ATF7IP: variants seen among roughly 807,000 people sequenced by gnomAD.
ATF7IP encodes activating transcription factor 7 interacting protein.
Under a neutral mutation model 106.4 loss-of-function variants are expected in ATF7IP, and 23 were observed. That is an observed-to-expected ratio of 0.22 (90% CI 0.16 to 0.31). ATF7IP has a LOEUF of 0.31. Ranked by LOEUF, ATF7IP falls within the 10% of genes least tolerant of loss-of-function variation. ATF7IP has a pLI of 1.00. For missense variants in ATF7IP, 1,334 were observed against 1,524.3 expected (o/e 0.88, Z 2.08); for synonymous variants, 542 against 539.0 (o/e 1.01, Z -0.08).
chr12:14,444,954 T>C (rs1025179949), intron 5 of ATF7IP, among the ~76,000 whole-genome samples: 1 of 151,894 alleles, frequency 6.6e-6, no homozygotes, highest in African/African-American at 2.4e-5. Flanking sequence ...AATAATAATA[T>C]TATGCATACT....
intron 1 of ATF7IP, among the ~76,000 whole-genome samples, chr12:14,377,295 C>T (rs542808438): frequency 1.6e-4 from 24 of 151,434 alleles, no homozygotes; most frequent in South Asian, 8.3e-4. Context: ...GAGCCCAGCC[C>T]GAAATTCATT....
rs369965755 is a variant in ATF7IP at position 14,418,379 on chromosome 12, G to A, written c.-7-5530G>A. Among the ~76,000 whole-genome samples the A allele has an allele frequency of 1.1e-4, 17 of 152,204 alleles. No individual in the cohort carries two copies. The East Asian group carries it at 1.9e-3, about 17-fold the overall frequency. On this transcript the variant is annotated intron_variant, in intron 1 of 14. Transcript: ENST00000261168. ...TTAGACATGGCAGACATCTTCTGCCGTAAAATACCAATGCTTTTTTCTGTG... is the reference window on the plus strand; with the variant it reads ...TTAGACATGGCAGACATCTTCTGCCATAAAATACCAATGCTTTTTTCTGTG...
intron 13 of ATF7IP, among the ~76,000 whole-genome samples, chr12:14,494,764 C>G (rs985507450): frequency 1.3e-5 from 2 of 151,206 alleles, no homozygotes; most frequent in African/African-American, 4.9e-5. Context: ...GAAACCTCAT[C>G]CCTACCAAAA....
intron 1 of ATF7IP, among the ~76,000 whole-genome samples, chr12:14,366,411 A>ATT (rs1393536241): frequency 1.3e-5 from 2 of 152,128 alleles, no homozygotes; most frequent in Non-Finnish European, 2.9e-5. Context: ...TTTTAACCCT[A>ATT]TTTTTACCTG....
intron 6 of ATF7IP, among the ~76,000 whole-genome samples, chr12:14,448,774 T>C (rs542096776): frequency 6.6e-6 from 1 of 152,330 alleles, no homozygotes; most frequent in Admixed American, 6.5e-5. Context: ...ATACCAGTAG[T>C]GCTCAAGAGT....
At chr12:14,456,216 T>G (rs538204932) in intron 6 of ATF7IP, among the ~76,000 whole-genome samples, 1 of 152,324 alleles carries the variant, frequency 6.6e-6, no homozygotes, top group Non-Finnish European at 1.5e-5. Flanking sequence ...GTGAGTCTGG[T>G]TATTCTTTAG....
chr12:14,473,845 G>A (rs1944152998), intron 10 of ATF7IP, among the ~76,000 whole-genome samples: 1 of 150,188 alleles, frequency 6.7e-6, no homozygotes, highest in Non-Finnish European at 1.5e-5. Flanking sequence ...TGAATATGTT[G>A]TTCCAGTGTC....
rs758320767 is a variant in ATF7IP, at chr12:14,424,692, A to C, written c.777A>C (p.Leu259=). The C allele has an allele frequency of 6.2e-7, 1 of 1,614,164 alleles. No individual in the cohort carries two copies. The highest frequency in any genetic ancestry group is 2.2e-5 in the East Asian group (1 of 44,886). Residue 259 remains leucine (L), a synonymous_variant, in exon 2 of 15, where the codon CTA becomes CTC. Transcript: ENST00000261168. Reference sequence around the variant, plus strand: ...CTGATGATCTGGCCTCTGGTGATCTATCCTCTAGTGAACTGGCCTCTGATG... The same window carrying C: ...CTGATGATCTGGCCTCTGGTGATCTCTCCTCTAGTGAACTGGCCTCTGATG... ...PASDDLASGD[L]SSSELASDDL...
At position 14,481,003 on chromosome 12, in the gene ATF7IP, C is replaced by T. The variant is rs1944410528; in HGVS notation, c.3098C>T (p.Ala1033Val). 2 of 1,613,430 alleles carry T rather than the reference C, an allele frequency of 1.2e-6. No homozygotes were observed. The highest frequency in any genetic ancestry group is 1.7e-6 in the Non-Finnish European group (2 of 1,179,696). Residue 1033 changes from alanine to valine, a missense_variant and splice_region_variant, in exon 13 of 15, where the codon GCT becomes GTT. Transcript: ENST00000261168. ...AATATCTTTTTCTGCCTTGCATTAG[C>T]TCCAACTACCGTGAATGTAACACAT... ...SQTTIHLLPT[A>V]PTTVNVTHRP...
At chr12:14,413,659 A>G (rs1403407821) in intron 1 of ATF7IP, among the ~76,000 whole-genome samples, 8 of 152,204 alleles carry the variant, frequency 5.3e-5, no homozygotes, top group African/African-American at 1.9e-4. Context: ...AAATTAATAT[A>G]AATTATCACA....
chr12:14,495,841 T>C (rs549806010), intron 13 of ATF7IP, among the ~76,000 whole-genome samples: 1 of 152,318 alleles, frequency 6.6e-6, no homozygotes, highest in South Asian at 2.1e-4. Flanking sequence ...CTTTTACATG[T>C]GGTACACAAC....
At chr12:14,470,983 A>G (rs562530872) in intron 10 of ATF7IP, among the ~76,000 whole-genome samples, 1 of 152,060 alleles carries the variant, frequency 6.6e-6, no homozygotes, top group African/African-American at 2.4e-5. Context: ...CATTCCATAA[A>G]TTTTCATGTG....
Position 14,365,727 on chromosome 12 carries a change from A to C in ATF7IP, c.-108A>C, listed in dbSNP as rs1183160799. On this transcript the variant is annotated 5_prime_UTR_variant, in exon 1 of 15. Coordinates refer to ENST00000261168, the MANE Select transcript of ATF7IP (RefSeq NM_018179.5). ...GGTGGCAGCGGCGGCGCGGCGACTG[A>C]AGCGCGCGAAAAGCTGAGGCGGCAA... 6.4e-6 allele frequency: 1 copy of C among 156,590 alleles called. No individual in the cohort carries two copies. The highest frequency in any genetic ancestry group is 1.4e-5 in the Non-Finnish European group (1 of 70,458). 9.7% of individuals were successfully genotyped at this position (156,590 alleles called of 1,614,324 possible).
chr12:14,466,155 A>G (rs1943825262), intron 9 of ATF7IP: 2 of 164,002 alleles, frequency 1.2e-5, no homozygotes, highest in East Asian at 3.5e-4. Context: ...TATTGGGAAC[A>G]TTTTTGACAT....
chr12:14,399,810 G>C (rs968159148), intron 1 of ATF7IP, among the ~76,000 whole-genome samples: 17 of 152,062 alleles, frequency 1.1e-4, no homozygotes, highest in African/African-American at 3.9e-4. Context: ...TTTGGCACCT[G>C]ACCTTTTGTT....
At chr12:14,480,894 C>G in intron 12 of ATF7IP, 109 bp from the exon 13 acceptor site, 1 of 927,084 alleles carries the variant, frequency 1.1e-6, no homozygotes, top group African/African-American at 1.7e-5. Context: ...ATTTCTGTTT[C>G]TGTCTTTATT....
rs559011440 is a variant in ATF7IP at position 14,448,998 on chromosome 12, C to T, written c.1995+1945C>T. 4.5e-4 allele frequency among the ~76,000 whole-genome samples: 69 copies of T among 152,038 alleles called. 1 individual carries two copies. In the South Asian group the frequency reaches 0.013, roughly 30 times the overall value. Reference sequence around the variant, plus strand: ...TCATTGCCTATTTTTAAATCAAGTTCCTTATTTTTGTTGTTGTTACTAAGT... The same window carrying T: ...TCATTGCCTATTTTTAAATCAAGTTTCTTATTTTTGTTGTTGTTACTAAGT... On this transcript the variant is annotated intron_variant, in intron 6 of 14. Transcript: ENST00000261168.
At position 14,387,207 on chromosome 12, in the gene ATF7IP, AAAAAAG is replaced by A. The variant is rs559352067; in HGVS notation, c.-8+21392_-8+21397del. On this transcript the variant is annotated intron_variant, in intron 1 of 14. Transcript: ENST00000261168. Reference sequence around the variant, plus strand: ...TCATTCAGTCATATGAACTGTACCTAAAAAAGAAAAAGAAAAACATTTCAATGTGTT... The same window carrying A: ...TCATTCAGTCATATGAACTGTACCTAAAAAAGAAAAACATTTCAATGTGTT... 4.4e-3 allele frequency among the ~76,000 whole-genome samples: 670 copies of A among 152,296 alleles called. 3 individuals carry two copies. The highest frequency in any genetic ancestry group is 0.015 in the East Asian group (76 of 5,190).
Position 14,382,041 on chromosome 12 carries a change from A to G in ATF7IP, c.-8+16214A>G, listed in dbSNP as rs569654275. ...TAGTGAGACATTATCTCTACAGAAA[A>G]TTTTAAAAATTAGCCAGTTGTGGTG... is the stretch of plus-strand genomic sequence containing the variant. On this transcript the variant is annotated intron_variant, in intron 1 of 14. Transcript: ENST00000261168. Among the ~76,000 whole-genome samples the G allele has an allele frequency of 2.8e-3, 422 of 152,280 alleles. 2 individuals carry two copies. The highest frequency in any genetic ancestry group is 9.8e-3 in the African/African-American group (408 of 41,566).
Sources: gnomAD v4.1 joint callset for allele counts (sites outside exome capture counted in the v4.1 genomes callset) on GRCh38, gnomAD v4.1.1 for gene constraint, MANE v1.5 for transcripts, NCBI Gene and HGNC (gene_info 2026-07-23, HGNC 2026-07-21) for gene names.